Variants in EYS observed in about 807,000 individuals in gnomAD.
EYS encodes protein eyes shut homolog.
In EYS, 250 loss-of-function variants were observed where a neutral mutation model predicts 282.1. The observed-to-expected ratio is 0.89, with a 90% CI of 0.80 to 0.98. The LOEUF (loss-of-function observed/expected upper bound fraction) is 0.98, where lower values mean the gene tolerates loss of function less well. EYS is among the 50% of genes least tolerant of loss of function. The probability of loss-of-function intolerance (pLI) is 0.00; values close to 1 mark genes in which losing one functional copy is unlikely to be tolerated. For missense variants in EYS, 4,016 were observed against 3,709.0 expected (o/e 1.08, Z -2.15); for synonymous variants, 1,355 against 1,282.9 (o/e 1.06, Z -1.20).
intron 12 of EYS, among the ~76,000 whole-genome samples, chr6:65,266,830 CTG>C (rs1240417741): frequency 2.0e-5 from 3 of 150,184 alleles, no homozygotes; most frequent in African/African-American, 7.3e-5. Flanking sequence ...ATAAAAAAAA[CTG>C]AAAATTTTAA....
At chr6:64,195,541 T>C (rs968836486) in intron 31 of EYS, among the ~76,000 whole-genome samples, 4 of 152,146 alleles carry the variant, frequency 2.6e-5, no homozygotes, top group African/African-American at 9.7e-5. Flanking sequence ...GACCTTGTGA[T>C]CCGCCCCTCG....
intron 26 of EYS, among the ~76,000 whole-genome samples, chr6:64,506,435 A>G (rs1777207181): frequency 6.6e-6 from 1 of 152,192 alleles, no homozygotes; most frequent in African/African-American, 2.4e-5. Flanking sequence ...TAAAGGAAGA[A>G]ACATGTACAC....
At chr6:65,534,659 A>T (rs1447138929) in intron 2 of EYS, among the ~76,000 whole-genome samples, 1 of 152,032 alleles carries the variant, frequency 6.6e-6, no homozygotes, top group Non-Finnish European at 1.5e-5. Context: ...AACCAATCAC[A>T]TTGGATGTCC....
At chr6:64,510,528 C>T (rs991323405) in intron 26 of EYS, among the ~76,000 whole-genome samples, 3 of 151,870 alleles carry the variant, frequency 2.0e-5, no homozygotes, top group African/African-American at 7.3e-5. Flanking sequence ...AAAATGCAGA[C>T]TTTATTAAAA....
At chr6:63,981,701 TGGTTGAGA>T (rs1767105138) in intron 35 of EYS, among the ~76,000 whole-genome samples, 3 of 151,910 alleles carry the variant, frequency 2.0e-5, no homozygotes, top group African/African-American at 7.2e-5. Flanking sequence ...TCTGGAGTTG[TGGTTGAGA>T]GGTTGAGAGA....
At chr6:64,182,563 G>T (rs926734760) in intron 31 of EYS, among the ~76,000 whole-genome samples, 1 of 151,952 alleles carries the variant, frequency 6.6e-6, no homozygotes, top group African/African-American at 2.4e-5. Context: ...TCGTTATTTT[G>T]CTCATTTTAG....
At chr6:65,488,061 C>G (rs779614145) in intron 5 of EYS, among the ~76,000 whole-genome samples, 1 of 152,068 alleles carries the variant, frequency 6.6e-6, no homozygotes, top group Non-Finnish European at 1.5e-5. Flanking sequence ...TAATTCTTCT[C>G]TCTTTTCTTC....
At chr6:64,954,670 A>C (rs538440359) in intron 14 of EYS, among the ~76,000 whole-genome samples, 3 of 152,304 alleles carry the variant, frequency 2.0e-5, no homozygotes, top group Non-Finnish European at 4.4e-5. Flanking sequence ...ACTCATTTCC[A>C]GTATTATGAC....
At chr6:65,594,722 A>G (rs751777381) in intron 2 of EYS, among the ~76,000 whole-genome samples, 3 of 151,934 alleles carry the variant, frequency 2.0e-5, no homozygotes, top group Non-Finnish European at 4.4e-5. Context: ...GGTGTTTTAG[A>G]CATGAAGTCC....
At position 64,549,323 on chromosome 6, in the gene EYS, A is replaced by G. The variant is rs10498825; in HGVS notation, c.5644+40900T>C. ...GGAAGATGCCAATGGTACTGCTATA[A>G]TTATTTGTCAAAGAATGCAACTAAT... On this transcript the variant is annotated intron_variant, in intron 26 of 42. Transcript: ENST00000503581. 8.5e-3 allele frequency among the ~76,000 whole-genome samples: 1,291 copies of G among 152,272 alleles called. 49 individuals are homozygous for G. The East Asian group carries it at 0.11, about 13-fold the overall frequency.
chr6:65,353,558 T>G lies in EYS; in HGVS notation c.1359A>C (p.Leu453=). 6.2e-7 allele frequency: 1 copy of G among 1,612,994 alleles called. No homozygotes were observed. Among genetic ancestry groups the G allele is most frequent in the Non-Finnish European group, 8.5e-7 (1 of 1,179,248 alleles). Residue 453 remains leucine (L), a synonymous_variant, in exon 9 of 43, where the codon CTA becomes CTC. Coordinates refer to ENST00000503581, the MANE Select transcript of EYS (RefSeq NM_001142800.2). The stretch of plus-strand genomic sequence containing the variant: ...CACAGTAGCAGAGGTGTTGATGAAT[T>G]AGGTAAACATTCTTCAAAAACCAAC... The part of the protein sequence containing the change: ...NPCWFLKNVY[L]IHQHLCYCGV...
At chr6:65,539,744 G>C (rs1463561099) in intron 2 of EYS, among the ~76,000 whole-genome samples, 1 of 152,226 alleles carries the variant, frequency 6.6e-6, no homozygotes, top group East Asian at 1.9e-4. Flanking sequence ...AAAAAATTTA[G>C]ATGAAAACTA....
intron 28 of EYS, chr6:64,412,620 T>C (rs1773938967): frequency 6.6e-6 from 1 of 152,170 alleles, no homozygotes; most frequent in Non-Finnish European, 1.5e-5. Context: ...AAATTTTTTT[T>C]CTCTCTTTTC....
At chr6:63,732,049 G>T (rs1312425376) in intron 41 of EYS, among the ~76,000 whole-genome samples, 1 of 151,940 alleles carries the variant, frequency 6.6e-6, no homozygotes, top group Admixed American at 6.6e-5. Context: ...GGAGGAGCTC[G>T]AATTGTATTT....
At chr6:64,477,369 T>C (rs751910317) in intron 26 of EYS, among the ~76,000 whole-genome samples, 9 of 152,132 alleles carry the variant, frequency 5.9e-5, no homozygotes, top group Non-Finnish European at 1.2e-4. Context: ...CTTGTAGTGT[T>C]ATTTATTTTG....
At chr6:65,471,093 C>T (rs528501957) in intron 5 of EYS, among the ~76,000 whole-genome samples, 58 of 151,838 alleles carry the variant, frequency 3.8e-4, no homozygotes, top group Non-Finnish European at 7.8e-4. Flanking sequence ...GCTGAGATCG[C>T]GCCACTGCAC....
At position 65,141,468 on chromosome 6, in the gene EYS, T is replaced by C. The variant is rs576967725; in HGVS notation, c.2024-83741A>G. On this transcript the variant is annotated intron_variant, in intron 12 of 42. Coordinates refer to ENST00000503581, the MANE Select transcript of EYS (RefSeq NM_001142800.2). ...GTAACTAACCTGCACATTGTGCACA[T>C]GTACCCAAAAACTTAAAGTATAATA... Among the ~76,000 whole-genome samples, 20 of 151,344 alleles carry C rather than the reference T, an allele frequency of 1.3e-4. No individual in the cohort carries two copies. The East Asian group carries it at 3.3e-3, about 25-fold the overall frequency.
chr6:64,492,892 CTA>C (rs1776780979), intron 26 of EYS, among the ~76,000 whole-genome samples: 1 of 151,328 alleles, frequency 6.6e-6, no homozygotes, highest in Non-Finnish European at 1.5e-5. Context: ...AAGCACAGTT[CTA>C]GAGGCTAAAG....
intron 8 of EYS, among the ~76,000 whole-genome samples, chr6:65,368,336 C>A (rs963508480): frequency 4.6e-5 from 7 of 151,500 alleles, no homozygotes; most frequent in Admixed American, 4.0e-4. Context: ...TGGTAAATTT[C>A]CTGTACATCA....
Sources: allele counts gnomAD v4.1 joint callset (sites outside exome capture counted in the v4.1 genomes callset), GRCh38; gene constraint gnomAD v4.1.1; transcripts MANE v1.5; gene names NCBI Gene and HGNC (gene_info 2026-07-23, HGNC 2026-07-21).